Variants in DPP6 observed in about 807,000 individuals in gnomAD.
The protein encoded by DPP6 is dipeptidyl peptidase like 6.
A neutral mutation model predicts 122.6 loss-of-function variants in DPP6; 69 were observed. The ratio of observed to expected loss-of-function variants is 0.56; its 90% CI spans 0.46 to 0.69. DPP6 has a LOEUF of 0.69. DPP6 is among the 30% of genes least tolerant of loss of function. DPP6 has a pLI of 0.00. For synonymous variants in DPP6, 418 were observed against 433.1 expected (o/e 0.97, Z 0.43); for missense variants, 928 against 1,116.9 (o/e 0.83, Z 2.41).
intron 1 of DPP6, among the ~76,000 whole-genome samples, chr7:154,272,382 A>G (rs562354504): frequency 6.6e-6 from 1 of 152,328 alleles, no homozygotes; most frequent in South Asian, 2.1e-4. Context: ...AGTTTCATAG[A>G]CTTTATTAGC....
chr7:154,427,753 G>A (rs1038384209), intron 1 of DPP6, among the ~76,000 whole-genome samples: 4 of 152,166 alleles, frequency 2.6e-5, no homozygotes, highest in East Asian at 1.9e-4. Context: ...CCACTTTTCT[G>A]TTGCCTCTGT....
At chr7:154,742,460 C>T (rs571250295) in intron 8 of DPP6, among the ~76,000 whole-genome samples, 1 of 152,300 alleles carries the variant, frequency 6.6e-6, no homozygotes, top group Admixed American at 6.5e-5. Flanking sequence ...AACCAAACAA[C>T]CATTAATGCA....
In DPP6 at chr7:154,118,651, C is replaced by T. The variant is rs1424076325; in HGVS notation, c.243+65588C>T. 4.0e-5 allele frequency among the ~76,000 whole-genome samples: 5 copies of T among 126,356 alleles called. No homozygotes were observed. The South Asian group carries it at 8.7e-4, about 22-fold the overall frequency. The allele number at this position is 126,356 out of a possible 152,430, so 82.9% of individuals were successfully genotyped here. The stretch of plus-strand genomic sequence containing the variant: ...AGCCAGGAAGCCAAGACCTGGCCTC[C>T]GCTGCCACTGCTCATACAAACCAAA... On this transcript the variant is annotated intron_variant, in intron 1 of 25. Transcript: ENST00000377770.
At chr7:154,584,942 T>C (rs192407233) in intron 5 of DPP6, among the ~76,000 whole-genome samples, 5 of 152,322 alleles carry the variant, frequency 3.3e-5, no homozygotes, top group African/African-American at 1.2e-4. Context: ...AAAATATGTA[T>C]AGCTAGTTTT....
At chr7:154,527,833 A>G (rs1371349171) in intron 3 of DPP6, among the ~76,000 whole-genome samples, 1 of 152,188 alleles carries the variant, frequency 6.6e-6, no homozygotes, top group Non-Finnish European at 1.5e-5. Context: ...TAACATACGC[A>G]TGGTCTTCAA....
intron 7 of DPP6, among the ~76,000 whole-genome samples, chr7:154,676,028 C>T (rs1470955939): frequency 6.6e-6 from 1 of 152,254 alleles, no homozygotes; most frequent in Non-Finnish European, 1.5e-5. Context: ...AAAAACTTCT[C>T]TCCAGGGGCG....
the DPP6 span, among the ~76,000 whole-genome samples, chr7:153,827,447 G>A: frequency 2.0e-5 from 3 of 152,100 alleles, no homozygotes; most frequent in African/African-American, 7.2e-5. Context: ...AAAGAAGGAG[G>A]GAAGAAGGCA....
At chr7:154,667,613 C>G (rs1332170516) in intron 6 of DPP6, among the ~76,000 whole-genome samples, 1 of 152,094 alleles carries the variant, frequency 6.6e-6, no homozygotes, top group South Asian at 2.1e-4. Context: ...ATCCCAGCTA[C>G]TTGGGAGGCT....
chr7:154,572,510 C>CTTTTTTTTTTTTTT (rs77816407), intron 5 of DPP6, among the ~76,000 whole-genome samples: 18 of 86,132 alleles, frequency 2.1e-4, no homozygotes, highest in Non-Finnish European at 2.9e-4. Flanking sequence ...TTTTTCTTTT[C>CTTTTTTTTTTTTTT]TTTTTTTTTT....
At chr7:154,616,783 G>A (rs1187053497) in intron 5 of DPP6, among the ~76,000 whole-genome samples, 2 of 152,138 alleles carry the variant, frequency 1.3e-5, no homozygotes, top group Non-Finnish European at 2.9e-5. Context: ...CGCCTCCAGG[G>A]AACCACAGTG....
At chr7:153,793,180 A>G in the DPP6 span, among the ~76,000 whole-genome samples, 59,847 of 147,336 alleles carry the variant, frequency 0.41, 10,192 homozygotes, top group South Asian at 0.47. Context: ...AGGTTGGAAC[A>G]GTTTGGAGGG....
intron 10 of DPP6, among the ~76,000 whole-genome samples, chr7:154,779,283 CCACCCCCACTACTAT>C (rs1796875059): frequency 1.1e-5 from 1 of 89,572 alleles, no homozygotes; most frequent in Admixed American, 1.3e-4. Context: ...ACCTCCACCA[CCACCCCCACTACTAT>C]CACCACCACC....
At chr7:154,274,587 C>T (rs1804005449) in intron 1 of DPP6, among the ~76,000 whole-genome samples, 1 of 152,166 alleles carries the variant, frequency 6.6e-6, no homozygotes, top group Admixed American at 6.5e-5. Flanking sequence ...GAGATGCTTC[C>T]ATGCACTTTA....
intron 25 of DPP6, 101 bp from the exon 26 acceptor site, chr7:154,892,233 G>A (rs577431081): frequency 4.3e-5 from 65 of 1,517,574 alleles, no homozygotes; most frequent in Non-Finnish European, 5.5e-5. Context: ...ATCCAGCCCC[G>A]GACGGGGCCC....
In DPP6 at chr7:154,216,007, C is replaced by T. The variant is rs183831149; in HGVS notation, c.243+162944C>T. ...GGGCAGTCGTGGGCCCAGTGAACAGCTGCATTCTGGTCGGTCCTCTTTTTC... is the reference window on the plus strand; with the variant it reads ...GGGCAGTCGTGGGCCCAGTGAACAGTTGCATTCTGGTCGGTCCTCTTTTTC... On this transcript the variant is annotated intron_variant, in intron 1 of 25. Coordinates refer to ENST00000377770, the MANE Select transcript of DPP6 (RefSeq NM_130797.4). Among the ~76,000 whole-genome samples, 1,273 of 152,172 alleles carry T rather than the reference C, an allele frequency of 8.4e-3. 7 individuals are homozygous for T. The highest frequency in any genetic ancestry group is 0.013 in the Non-Finnish European group (858 of 68,010).
chr7:153,842,567 TTAA>T, the DPP6 span, among the ~76,000 whole-genome samples: 12 of 152,152 alleles, frequency 7.9e-5, no homozygotes, highest in Admixed American at 3.3e-4. Context: ...AATGTTTATC[TTAA>T]TTACCTCATA....
At chr7:154,245,742 G>C (rs1386350858) in intron 1 of DPP6, among the ~76,000 whole-genome samples, 2 of 151,912 alleles carry the variant, frequency 1.3e-5, no homozygotes, top group Admixed American at 6.6e-5. Context: ...TAATAAAATG[G>C]TTAACTTATT....
intron 1 of DPP6, among the ~76,000 whole-genome samples, chr7:154,071,349 G>C (rs1315196689): frequency 6.6e-6 from 1 of 152,180 alleles, no homozygotes; most frequent in African/African-American, 2.4e-5. Flanking sequence ...TAGATGAAGA[G>C]AGATGGAGTG....
At chr7:154,147,240 C>T (rs545958566) in intron 1 of DPP6, among the ~76,000 whole-genome samples, 8,709 of 148,918 alleles carry the variant, frequency 0.058, no homozygotes, top group African/African-American at 0.2. Flanking sequence ...ATGGTTCTCA[C>T]TCCTCTCTCT....
Sources: gnomAD v4.1 joint callset for allele counts (sites outside exome capture counted in the v4.1 genomes callset) on GRCh38, gnomAD v4.1.1 for gene constraint, MANE v1.5 for transcripts, NCBI Gene and HGNC (gene_info 2026-07-23, HGNC 2026-07-21) for gene names.